ERC2: variants seen among roughly 807,000 people sequenced by gnomAD.
ERC2 encodes ERC protein 2.
ERC2 carries 42 observed loss-of-function variants against 114.8 expected under a neutral mutation model. The ratio of observed to expected loss-of-function variants is 0.37; its 90% CI spans 0.29 to 0.47. The LOEUF (loss-of-function observed/expected upper bound fraction) is 0.47, where lower values mean the gene tolerates loss of function less well. Among genes scored for constraint, ERC2 ranks in the 20% least tolerant of loss-of-function variants. The pLI, the probability that ERC2 is intolerant of heterozygous loss-of-function variation, is 0.99. For missense variants in ERC2, 939 were observed against 1,150.7 expected (o/e 0.82, Z 2.66); for synonymous variants, 454 against 425.5 (o/e 1.07, Z -0.82).
chr3:56,036,286 A>T (rs2074795755), intron 7 of ERC2, among the ~76,000 whole-genome samples: 1 of 152,184 alleles, frequency 6.6e-6, no homozygotes, highest in South Asian at 2.1e-4. Flanking sequence ...TTTTCCTCTA[A>T]GATCAGGGAC....
intron 3 of ERC2, among the ~76,000 whole-genome samples, chr3:56,250,853 G>A (rs1299137174): frequency 3.3e-5 from 5 of 152,158 alleles, no homozygotes; most frequent in African/African-American, 1.2e-4. Flanking sequence ...GATCACTAAG[G>A]TGCTTTAACC....
chr3:55,752,164 G>A (rs1197425678), intron 14 of ERC2, among the ~76,000 whole-genome samples: 1 of 152,158 alleles, frequency 6.6e-6, no homozygotes, highest in Non-Finnish European at 1.5e-5. Flanking sequence ...AATCAGTTAT[G>A]GCCTGATTTC....
intron 10 of ERC2, among the ~76,000 whole-genome samples, chr3:55,997,904 T>TG (rs1559996578): frequency 2.6e-4 from 12 of 46,464 alleles, no homozygotes; most frequent in Non-Finnish European, 3.7e-4. Flanking sequence ...TTTTTTTTTT[T>TG]TTTGTGTGTG....
chr3:55,544,817 C>A (rs1048127086), intron 17 of ERC2, among the ~76,000 whole-genome samples: 6 of 152,178 alleles, frequency 3.9e-5, no homozygotes, highest in Non-Finnish European at 8.8e-5. Flanking sequence ...GTGCCTGACT[C>A]CGTGCTAGGG....
At chr3:55,767,642 A>G (rs1255599358) in intron 14 of ERC2, among the ~76,000 whole-genome samples, 1 of 152,114 alleles carries the variant, frequency 6.6e-6, no homozygotes, top group East Asian at 1.9e-4. Context: ...TAAACTAGAG[A>G]TGGCACAGAG....
chr3:55,548,437 T>C (rs960471758), intron 17 of ERC2, among the ~76,000 whole-genome samples: 2 of 152,226 alleles, frequency 1.3e-5, no homozygotes, highest in Admixed American at 6.5e-5. Context: ...GACATGGCCT[T>C]TTCCCCTCTA....
chr3:55,653,918 C>T (rs975271421), intron 17 of ERC2, among the ~76,000 whole-genome samples: 5 of 152,182 alleles, frequency 3.3e-5, no homozygotes, highest in Non-Finnish European at 5.9e-5. Flanking sequence ...TCATGGCTGG[C>T]TAAGCCAGCT....
At chr3:56,363,327 T>C (rs2059028355) in intron 2 of ERC2, among the ~76,000 whole-genome samples, 1 of 152,204 alleles carries the variant, frequency 6.6e-6, no homozygotes, top group Non-Finnish European at 1.5e-5. Flanking sequence ...TCTTAGAATT[T>C]AAGCCCTATT....
intron 3 of ERC2, among the ~76,000 whole-genome samples, chr3:56,197,885 G>A (rs1049419904): frequency 6.6e-6 from 1 of 152,206 alleles, no homozygotes; most frequent in Non-Finnish European, 1.5e-5. Context: ...TTACAGTGAT[G>A]ACATACTCTA....
intron 4 of ERC2, among the ~76,000 whole-genome samples, chr3:56,152,077 G>A (rs17825302): frequency 0.02 from 3,058 of 152,140 alleles, 76 homozygotes; most frequent in South Asian, 0.041. Flanking sequence ...CTTAGAGACG[G>A]GGAAAGTGAA....
At chr3:55,724,202 G>A (rs2064764574) in intron 15 of ERC2, among the ~76,000 whole-genome samples, 1 of 152,150 alleles carries the variant, frequency 6.6e-6, no homozygotes, top group South Asian at 2.1e-4. Context: ...CTCCCCTAGT[G>A]GCAACCGGTG....
intron 3 of ERC2, among the ~76,000 whole-genome samples, chr3:56,221,552 C>A (rs528222387): frequency 1.3e-5 from 2 of 152,326 alleles, no homozygotes; most frequent in African/African-American, 4.8e-5. Context: ...CCCAAAGCCA[C>A]ACTCAATTCC....
chr3:56,214,224 C>T (rs1397376418), intron 3 of ERC2, among the ~76,000 whole-genome samples: 1 of 152,096 alleles, frequency 6.6e-6, no homozygotes, highest in Non-Finnish European at 1.5e-5. Context: ...GAACCCATGG[C>T]AAAGAAGTTA....
At chr3:55,662,289 G>C (rs2061171346) in intron 17 of ERC2, among the ~76,000 whole-genome samples, 1 of 152,236 alleles carries the variant, frequency 6.6e-6, no homozygotes, top group Admixed American at 6.5e-5. Flanking sequence ...CTGCAGTCTT[G>C]TTTGTGATAG....
intron 17 of ERC2, among the ~76,000 whole-genome samples, chr3:55,629,752 T>A (rs1222808589): frequency 6.6e-6 from 1 of 152,210 alleles, no homozygotes; most frequent in East Asian, 1.9e-4. Flanking sequence ...AATAAATAAC[T>A]TAATTCATAT....
At chr3:56,261,360 C>T (rs527795177) in intron 3 of ERC2, among the ~76,000 whole-genome samples, 7 of 152,226 alleles carry the variant, frequency 4.6e-5, no homozygotes, top group Admixed American at 3.9e-4. Context: ...TTATAAACGG[C>T]TCTATCTACA....
chr3:55,966,181 A>G (rs540054528), intron 12 of ERC2, among the ~76,000 whole-genome samples: 1 of 152,290 alleles, frequency 6.6e-6, no homozygotes, highest in South Asian at 2.1e-4. Flanking sequence ...CCATGTACAG[A>G]TTCCTGACCC....
chr3:55,825,459 A>G (rs1377422044), intron 14 of ERC2, among the ~76,000 whole-genome samples: 1 of 152,234 alleles, frequency 6.6e-6, no homozygotes, highest in African/African-American at 2.4e-5. Flanking sequence ...CAGACTTGCC[A>G]CAAAGAGTTT....
chr3:55,548,225 C>A (rs927771542), intron 17 of ERC2, among the ~76,000 whole-genome samples: 6 of 152,212 alleles, frequency 3.9e-5, no homozygotes, highest in African/African-American at 1.4e-4. Flanking sequence ...CTAGTCCTCC[C>A]AAAACATGCC....
Sources: allele counts gnomAD v4.1 joint callset (sites outside exome capture counted in the v4.1 genomes callset), GRCh38; gene constraint gnomAD v4.1.1; transcripts MANE v1.5; gene names NCBI Gene and HGNC (gene_info 2026-07-23, HGNC 2026-07-21).